Variants in FAM110B observed in about 807,000 individuals in gnomAD.
FAM110B encodes the protein family with sequence similarity 110 member B.
FAM110B carries 6 observed loss-of-function variants against 20.4 expected under a neutral mutation model. That is an observed-to-expected ratio of 0.29 (90% CI 0.16 to 0.58). The LOEUF (loss-of-function observed/expected upper bound fraction) is 0.58. Ranked by LOEUF, FAM110B falls within the 20% of genes least tolerant of loss-of-function variation. The pLI, the probability that FAM110B is intolerant of heterozygous loss-of-function variation, is 0.90. For missense variants in FAM110B, 434 were observed against 498.2 expected, an observed-to-expected ratio of 0.87 and a Z score of 1.23; for synonymous variants, 226 against 214.1, an observed-to-expected ratio of 1.06 and a Z score of -0.49.
chr8:58,094,890 G>A (rs1399344343), intron 3 of FAM110B, among the ~76,000 whole-genome samples: 2 of 151,866 alleles, frequency 1.3e-5, no homozygotes, highest in Admixed American at 6.6e-5. Context: ...GATTTTTTTT[G>A]GTTGGTAGGC....
At chr8:58,016,510 C>T (rs768927947) in intron 1 of FAM110B, among the ~76,000 whole-genome samples, 20 of 152,174 alleles carry the variant, frequency 1.3e-4, no homozygotes, top group African/African-American at 1.9e-4. Flanking sequence ...CTGGTGGGAG[C>T]GGGGAGCTCA....
intron 3 of FAM110B, among the ~76,000 whole-genome samples, chr8:58,132,330 T>C: frequency 6.6e-6 from 1 of 152,158 alleles, no homozygotes; most frequent in Admixed American, 6.5e-5. Flanking sequence ...GAAGGAGTTT[T>C]GCTGTGAAAG....
At chr8:58,037,319 GTTTGTTTGTTTT>G (rs1805095284) in intron 2 of FAM110B, among the ~76,000 whole-genome samples, 1 of 151,514 alleles carries the variant, frequency 6.6e-6, no homozygotes. Flanking sequence ...TTGTTTGTTT[GTTTGTTTGTTTT>G]TTTAATTAAA....
intron 3 of FAM110B, among the ~76,000 whole-genome samples, chr8:58,141,330 A>T (rs1176670572): frequency 6.6e-6 from 1 of 152,252 alleles, no homozygotes; most frequent in African/African-American, 2.4e-5. Context: ...CTTCAAAGGT[A>T]AATTGCTTCT....
intron 2 of FAM110B, among the ~76,000 whole-genome samples, chr8:58,041,833 T>C (rs1185059697): frequency 6.6e-6 from 1 of 152,244 alleles, no homozygotes; most frequent in Non-Finnish European, 1.5e-5. Flanking sequence ...GCTGTAGGAC[T>C]CACTAATCAC....
At chr8:58,025,804 T>C (rs1251196503) in intron 1 of FAM110B, among the ~76,000 whole-genome samples, 1 of 152,196 alleles carries the variant, frequency 6.6e-6, no homozygotes, top group Non-Finnish European at 1.5e-5. Flanking sequence ...AACCTCTCTA[T>C]AACTTCTGCT....
At chr8:58,094,692 A>G (rs1806575193) in intron 3 of FAM110B, among the ~76,000 whole-genome samples, 1 of 152,024 alleles carries the variant, frequency 6.6e-6, no homozygotes, top group Non-Finnish European at 1.5e-5. Context: ...TTCGTCAGGG[A>G]TATTGGCCTG....
chr8:58,016,807 G>A (rs776579878), intron 1 of FAM110B, among the ~76,000 whole-genome samples: 9 of 152,202 alleles, frequency 5.9e-5, no homozygotes, highest in African/African-American at 9.6e-5. Context: ...CAGCCTGAAT[G>A]AGGGAGGGAG....
chr8:58,123,071 C>T (rs183567296), intron 3 of FAM110B, among the ~76,000 whole-genome samples: 24 of 152,254 alleles, frequency 1.6e-4, no homozygotes, highest in African/African-American at 4.3e-4. Flanking sequence ...CTCAGCAGAG[C>T]GGGGAGCTAA....
At chr8:58,135,711 C>T (rs1483203899) in intron 3 of FAM110B, among the ~76,000 whole-genome samples, 1 of 151,930 alleles carries the variant, frequency 6.6e-6, no homozygotes, top group African/African-American at 2.4e-5. Flanking sequence ...TTGGTAGAAG[C>T]ACTGGGCACG....
chr8:58,017,444 A>G lies in FAM110B; in HGVS notation c.-511-14162A>G, dbSNP rs138575503. ...TATAAAGATTTCAGGCCTCCACCCTAGACTTACTGATGTCTAGGGGAAGGG... is the reference window on the plus strand; with the variant it reads ...TATAAAGATTTCAGGCCTCCACCCTGGACTTACTGATGTCTAGGGGAAGGG... On this transcript the variant is annotated intron_variant, in intron 1 of 3. Transcript: ENST00000519262. Among the ~76,000 whole-genome samples the G allele has an allele frequency of 3.6e-3, 552 of 152,270 alleles. 6 individuals are homozygous for G. The highest frequency in any genetic ancestry group is 0.012 in the African/African-American group (516 of 41,556).
At chr8:58,072,522 T>C (rs989693261) in intron 2 of FAM110B, among the ~76,000 whole-genome samples, 1 of 152,242 alleles carries the variant, frequency 6.6e-6, no homozygotes, top group Non-Finnish European at 1.5e-5. Context: ...ATATGTGCTT[T>C]TATTTTCAGA....
chr8:58,010,796 G>A (rs925281264), intron 1 of FAM110B, among the ~76,000 whole-genome samples: 9 of 152,288 alleles, frequency 5.9e-5, no homozygotes, highest in Middle Eastern at 3.4e-3. Context: ...TGGCTTAATT[G>A]TTGTAAAACT....
chr8:58,100,777 A>C (rs1211052007), intron 3 of FAM110B: 1 of 152,226 alleles, frequency 6.6e-6, no homozygotes, highest in Non-Finnish European at 1.5e-5. Flanking sequence ...TTGCAAATGG[A>C]GAATGTTATA....
intron 1 of FAM110B, among the ~76,000 whole-genome samples, chr8:58,016,746 A>T (rs1220654029): frequency 6.6e-6 from 1 of 152,156 alleles, no homozygotes; most frequent in Non-Finnish European, 1.5e-5. Context: ...CACCAGAGAA[A>T]AGGCTAAGCC....
chr8:58,118,789 A>T (rs1563376619), intron 3 of FAM110B, among the ~76,000 whole-genome samples: 1 of 152,142 alleles, frequency 6.6e-6, no homozygotes, highest in Non-Finnish European at 1.5e-5. Flanking sequence ...ATAACTTCAG[A>T]TGTTATTTTG....
At chr8:58,006,314 A>G (rs1804399774) in intron 1 of FAM110B, among the ~76,000 whole-genome samples, 1 of 152,206 alleles carries the variant, frequency 6.6e-6, no homozygotes, top group South Asian at 2.1e-4. Flanking sequence ...GGACTTTCCA[A>G]CGGCTCTTCA....
At chr8:58,021,419 G>A (rs1393872275) in intron 1 of FAM110B, among the ~76,000 whole-genome samples, 3 of 152,100 alleles carry the variant, frequency 2.0e-5, no homozygotes, top group African/African-American at 7.2e-5. Flanking sequence ...CTCTTTTTCA[G>A]TTATGGAACT....
rs749927858 is a variant in FAM110B at position 58,147,374 on chromosome 8, C to T, written c.*31C>T. ...TGCGTGGAAAGGAGGGAGCGTGGGT[C>T]TCTGTGCTTACGCAGTTGTGAAGGT... On this transcript the variant is annotated 3_prime_UTR_variant, in exon 4 of 4. Coordinates refer to ENST00000519262, the MANE Select transcript of FAM110B (RefSeq NM_001377989.1). 6.3e-7 allele frequency: 1 copy of T among 1,592,830 alleles called. No homozygotes were observed. Among genetic ancestry groups the T allele is most frequent in the Non-Finnish European group, 8.6e-7 (1 of 1,168,926 alleles).
Sources: allele counts gnomAD v4.1 joint callset (sites outside exome capture counted in the v4.1 genomes callset), GRCh38; gene constraint gnomAD v4.1.1; transcripts MANE v1.5; gene names NCBI Gene and HGNC (gene_info 2026-07-23, HGNC 2026-07-21).